Variants in DAB1 observed in about 807,000 individuals in gnomAD.
The protein encoded by DAB1 is DAB adaptor protein 1, also known as disabled homolog 1.
A neutral mutation model predicts 64.6 loss-of-function variants in DAB1; 15 were observed. The observed-to-expected ratio is 0.23, with a 90% CI of 0.16 to 0.36. The LOEUF is 0.36. Ranked by LOEUF, DAB1 falls within the 10% of genes least tolerant of loss-of-function variation. DAB1 has a pLI of 1.00. For missense variants in DAB1, 596 were observed against 706.7 expected, an observed-to-expected ratio of 0.84 and a Z score of 1.78; for synonymous variants, 235 against 251.9, an observed-to-expected ratio of 0.93 and a Z score of 0.64.
intron 1 of DAB1, among the ~76,000 whole-genome samples, 193 bp from the exon 2 acceptor site, chr1:57,291,359 T>G (rs537380965): frequency 6.6e-6 from 1 of 152,174 alleles, no homozygotes; most frequent in Non-Finnish European, 1.5e-5. Flanking sequence ...GCAAAACTGC[T>G]TCTCAAACTA....
At chr1:58,208,561 G>C (rs890010477) in intron 4 of DAB1, among the ~76,000 whole-genome samples, 1 of 152,050 alleles carries the variant, frequency 6.6e-6, no homozygotes, top group Non-Finnish European at 1.5e-5. Flanking sequence ...TTCCATTCCC[G>C]AGTTGCTTCA....
At chr1:58,370,609 A>G (rs2100534491) in intron 3 of DAB1, among the ~76,000 whole-genome samples, 1 of 152,308 alleles carries the variant, frequency 6.6e-6, no homozygotes, top group South Asian at 2.1e-4. Context: ...AAACACACTG[A>G]CATGGTTTGG....
intron 6 of DAB1, among the ~76,000 whole-genome samples, chr1:57,670,442 T>C (rs1324313926): frequency 2.6e-5 from 4 of 152,136 alleles, no homozygotes; most frequent in Non-Finnish European, 5.9e-5. Flanking sequence ...GTGCTCTACC[T>C]TGTTCAAGCT....
intron 2 of DAB1, among the ~76,000 whole-genome samples, chr1:57,278,190 T>A (rs1671619340): frequency 6.6e-6 from 1 of 152,192 alleles, no homozygotes; most frequent in Non-Finnish European, 1.5e-5. Context: ...TACCTGTCCT[T>A]CTATTTACAC....
intron 2 of DAB1, among the ~76,000 whole-genome samples, chr1:57,151,709 A>G (rs1659681457): frequency 6.6e-6 from 1 of 151,202 alleles, no homozygotes; most frequent in South Asian, 2.1e-4. Flanking sequence ...TAAATTTGTG[A>G]AGAAAAAAAG....
At chr1:58,545,248 CCTT>C (rs1243885889) in intron 1 of DAB1, among the ~76,000 whole-genome samples, 2 of 152,216 alleles carry the variant, frequency 1.3e-5, no homozygotes, top group Admixed American at 6.5e-5. Context: ...CAAGCAAACT[CCTT>C]CTCATTTCTC....
chr1:57,693,513 A>G lies in DAB1; in HGVS notation n.552-43848T>C, dbSNP rs959126531. ...AAATGGACCAATCAGCACTCTGTAA[A>G]ATGGACCAATCAGCAGGATGTGGGT... On this transcript the variant is annotated intron_variant and non_coding_transcript_variant, in intron 6 of 20. Transcript: ENST00000485760. Among the ~76,000 whole-genome samples the G allele has an allele frequency of 7.3e-5, 11 of 150,904 alleles. No homozygotes were observed. The East Asian group carries it at 2.1e-3, about 29-fold the overall frequency.
intron 1 of DAB1, among the ~76,000 whole-genome samples, chr1:57,335,008 C>T (rs921236336): frequency 1.3e-5 from 2 of 152,126 alleles, no homozygotes; most frequent in Non-Finnish European, 2.9e-5. Flanking sequence ...AAACCATAGC[C>T]TTTTGATTTC....
chr1:57,364,840 G>A (rs1679838524), intron 1 of DAB1, among the ~76,000 whole-genome samples: 1 of 148,858 alleles, frequency 6.7e-6, no homozygotes, highest in African/African-American at 2.5e-5. Context: ...AAATTGTTTA[G>A]GGATATATAT....
intron 1 of DAB1, chr1:57,860,917 C>T (rs564013547): frequency 6.6e-6 from 1 of 152,332 alleles, no homozygotes; most frequent in South Asian, 2.1e-4. Context: ...CTGGTACTGC[C>T]AGGTGGAGAG....
At chr1:57,794,189 T>C (rs1650732620) in intron 6 of DAB1, among the ~76,000 whole-genome samples, 1 of 152,234 alleles carries the variant, frequency 6.6e-6, no homozygotes. Context: ...TTTGGGTTGC[T>C]GGTTGCTTCT....
At chr1:57,545,330 A>G (rs1570613152) in intron 7 of DAB1, among the ~76,000 whole-genome samples, 2 of 152,072 alleles carry the variant, frequency 1.3e-5, no homozygotes, top group South Asian at 2.1e-4. Context: ...ACCTCCCACA[A>G]TATTCTTTTA....
intron 4 of DAB1, among the ~76,000 whole-genome samples, chr1:58,176,596 G>C (rs1246535213): frequency 6.6e-6 from 1 of 152,182 alleles, no homozygotes; most frequent in Non-Finnish European, 1.5e-5. Context: ...AAGAGGGCAA[G>C]AGAGCAAGTG....
intron 5 of DAB1, among the ~76,000 whole-genome samples, chr1:58,073,373 C>G (rs1649396179): frequency 6.6e-6 from 1 of 152,166 alleles, no homozygotes; most frequent in Admixed American, 6.5e-5. Flanking sequence ...CCTCAATTTC[C>G]ACTGTGGATG....
intron 3 of DAB1, among the ~76,000 whole-genome samples, chr1:58,451,386 C>T (rs1444375547): frequency 2.0e-5 from 3 of 152,200 alleles, no homozygotes; most frequent in Non-Finnish European, 4.4e-5. Context: ...AGCCACTGAG[C>T]CCATCCCTGA....
At chr1:57,018,756 A>G (rs772337896) in intron 11 of DAB1, among the ~76,000 whole-genome samples, 3 of 152,152 alleles carry the variant, frequency 2.0e-5, no homozygotes, top group Non-Finnish European at 4.4e-5. Context: ...ATGGTACTTC[A>G]TTGTCTTAAG....
chr1:57,274,011 C>T (rs1452029383), intron 2 of DAB1, among the ~76,000 whole-genome samples: 1 of 152,146 alleles, frequency 6.6e-6, no homozygotes, highest in African/African-American at 2.4e-5. Flanking sequence ...AATGTACCAA[C>T]CTCGGCATTT....
chr1:58,506,873 TTATAAAAGTACAA>T (rs1355851114), intron 2 of DAB1, among the ~76,000 whole-genome samples: 1 of 152,074 alleles, frequency 6.6e-6, no homozygotes. Flanking sequence ...ACACAATACC[TTATAAAAGTACAA>T]TATAAAAGTA....
At chr1:57,824,594 T>C (rs1652263055), downstream of DAB1, among the ~76,000 whole-genome samples, 1 of 152,148 alleles carries the variant, frequency 6.6e-6, no homozygotes, top group African/African-American at 2.4e-5. Context: ...ACCAATAACA[T>C]GTACACAGAC....
Sources: allele counts gnomAD v4.1 joint callset (sites outside exome capture counted in the v4.1 genomes callset), GRCh38; gene constraint gnomAD v4.1.1; transcripts MANE v1.5; gene names NCBI Gene and HGNC (gene_info 2026-07-23, HGNC 2026-07-21).